GRIK1: variants seen among roughly 807,000 people sequenced by gnomAD.
The protein encoded by GRIK1 is glutamate ionotropic receptor kainate type subunit 1, also known as glutamate receptor ionotropic, kainate 1.
GRIK1 carries 69 observed loss-of-function variants against 105.7 expected under a neutral mutation model. That is an observed-to-expected ratio of 0.65 (90% confidence interval 0.54 to 0.80). GRIK1 has a LOEUF of 0.80. GRIK1 is among the 30% of genes least tolerant of loss of function. The pLI, the probability that GRIK1 is intolerant of heterozygous loss-of-function variation, is 0.00. For missense variants in GRIK1, 1,109 were observed against 1,167.3 expected, an observed-to-expected ratio of 0.95 and a Z score of 0.73; for synonymous variants, 438 against 431.3, an observed-to-expected ratio of 1.02 and a Z score of -0.19.
chr21:29,855,715 A>T (rs2068442540), intron 1 of GRIK1, among the ~76,000 whole-genome samples: 1 of 152,204 alleles, frequency 6.6e-6, no homozygotes, highest in Admixed American at 6.5e-5. Flanking sequence ...CATAGGAAAG[A>T]CTTGAAACCC....
chr21:29,547,203 T>G (rs1476748132), intron 16 of GRIK1, among the ~76,000 whole-genome samples: 2 of 152,240 alleles, frequency 1.3e-5, no homozygotes, highest in Non-Finnish European at 2.9e-5. Context: ...TTGCTTATGA[T>G]TCATTAGATG....
intron 1 of GRIK1, among the ~76,000 whole-genome samples, chr21:29,717,249 C>A (rs1490962631): frequency 1.3e-5 from 2 of 152,222 alleles, no homozygotes; most frequent in Non-Finnish European, 2.9e-5. Flanking sequence ...AAGGGAAATA[C>A]AGGGTTGGAG....
chr21:29,856,297 G>A (rs1465987164), intron 1 of GRIK1, among the ~76,000 whole-genome samples: 1 of 152,092 alleles, frequency 6.6e-6, no homozygotes, highest in Non-Finnish European at 1.5e-5. Flanking sequence ...GATTTAGGTG[G>A]AAAATTATCA....
intron 1 of GRIK1, among the ~76,000 whole-genome samples, chr21:29,785,194 TACTC>T (rs2145795904): frequency 6.6e-6 from 1 of 152,300 alleles, no homozygotes; most frequent in South Asian, 2.1e-4. Flanking sequence ...GTTTTATAAA[TACTC>T]ACTGCTACAA....
intron 2 of GRIK1, among the ~76,000 whole-genome samples, chr21:29,690,395 T>G (rs2063563833): frequency 6.6e-6 from 1 of 152,188 alleles, no homozygotes; most frequent in African/African-American, 2.4e-5. Context: ...TTGAAAATAT[T>G]AATGTGGTTA....
At chr21:29,769,133 G>A (rs2065748489) in intron 1 of GRIK1, among the ~76,000 whole-genome samples, 1 of 152,132 alleles carries the variant, frequency 6.6e-6, no homozygotes, top group African/African-American at 2.4e-5. Flanking sequence ...ACTAGTAGGT[G>A]TTTGTTATAG....
intron 3 of GRIK1, among the ~76,000 whole-genome samples, chr21:29,687,097 A>G (rs2063499139): frequency 6.6e-6 from 1 of 152,184 alleles, no homozygotes; most frequent in Non-Finnish European, 1.5e-5. Flanking sequence ...CTTCTAGAGG[A>G]CAGAATTCTG....
chr21:29,628,330 A>G (rs1015926127), intron 7 of GRIK1, among the ~76,000 whole-genome samples: 1 of 152,208 alleles, frequency 6.6e-6, no homozygotes, highest in Non-Finnish European at 1.5e-5. Context: ...TGCATTTATC[A>G]TATGTTCATC....
intron 7 of GRIK1, among the ~76,000 whole-genome samples, chr21:29,624,883 G>T (rs2094758672): frequency 1.3e-5 from 2 of 152,236 alleles, no homozygotes; most frequent in South Asian, 2.1e-4. Flanking sequence ...CCACTCTCCA[G>T]CTCACGTCTC....
At chr21:29,700,719 G>A (rs1198674719) in intron 1 of GRIK1, among the ~76,000 whole-genome samples, 2 of 152,080 alleles carry the variant, frequency 1.3e-5, no homozygotes, top group Non-Finnish European at 2.9e-5. Context: ...CCATTGTTGT[G>A]GGTAAGAACC....
At chr21:29,597,796 A>G (rs2061444403) in intron 8 of GRIK1, 2 of 187,946 alleles carry the variant, frequency 1.1e-5, no homozygotes, top group Non-Finnish European at 2.6e-5. Context: ...ATTCAGCCTA[A>G]ATGATCTTTG....
intron 1 of GRIK1, among the ~76,000 whole-genome samples, chr21:29,775,440 A>C (rs1007846765): frequency 6.6e-6 from 1 of 152,104 alleles, no homozygotes. Flanking sequence ...CTCTCCAGCT[A>C]CCAAGGAGCT....
At chr21:29,735,845 T>C (rs1601562715) in intron 1 of GRIK1, among the ~76,000 whole-genome samples, 1 of 21,010 alleles carries the variant, frequency 4.8e-5, no homozygotes, top group East Asian at 1.1e-3. Flanking sequence ...AGACTCCGTC[T>C]CAAAAAAAAA....
At chr21:29,551,505 T>C (rs192903197) in intron 16 of GRIK1, among the ~76,000 whole-genome samples, 1 of 152,320 alleles carries the variant, frequency 6.6e-6, no homozygotes, top group East Asian at 1.9e-4. Flanking sequence ...TATCTACTTC[T>C]CTGTTAGTAA....
chr21:29,899,995 T>G (rs1200327212), intron 1 of GRIK1, among the ~76,000 whole-genome samples: 1 of 150,774 alleles, frequency 6.6e-6, no homozygotes, highest in Non-Finnish European at 1.5e-5. Context: ...AAACACATGA[T>G]AAATACATTT....
At chr21:29,751,880 A>G (rs757139230) in intron 1 of GRIK1, among the ~76,000 whole-genome samples, 1 of 152,124 alleles carries the variant, frequency 6.6e-6, no homozygotes, top group African/African-American at 2.4e-5. Flanking sequence ...TTCTTTCGAG[A>G]CGCTAGCTGT....
intron 7 of GRIK1, among the ~76,000 whole-genome samples, chr21:29,642,225 A>C (rs1281086551): frequency 6.6e-6 from 1 of 152,166 alleles, no homozygotes; most frequent in Non-Finnish European, 1.5e-5. Context: ...GAGAAAAGAA[A>C]AGGTGGAGGA....
At chr21:29,745,823 T>C (rs956366227) in intron 1 of GRIK1, among the ~76,000 whole-genome samples, 3 of 151,928 alleles carry the variant, frequency 2.0e-5, no homozygotes, top group African/African-American at 7.3e-5. Flanking sequence ...GAAAAGAGAG[T>C]CCGGGCATGG....
intron 3 of GRIK1, among the ~76,000 whole-genome samples, chr21:29,677,736 C>T (rs1283476230): frequency 6.6e-6 from 1 of 152,140 alleles, no homozygotes; most frequent in Non-Finnish European, 1.5e-5. Flanking sequence ...GAATATACCT[C>T]TGAGGTGAAT....
Sources: allele counts gnomAD v4.1 joint callset (sites outside exome capture counted in the v4.1 genomes callset), GRCh38; gene constraint gnomAD v4.1.1; transcripts MANE v1.5; gene names NCBI Gene and HGNC (gene_info 2026-07-23, HGNC 2026-07-21).